Variants in TMEM132D observed in about 807,000 individuals in gnomAD.
TMEM132D encodes mature OL transmembrane protein.
Under a neutral mutation model 62.3 loss-of-function variants are expected in TMEM132D, and 21 were observed. The observed-to-expected ratio is 0.34, with a 90% confidence interval of 0.24 to 0.49. TMEM132D has a LOEUF of 0.49. Ranked by LOEUF, TMEM132D falls within the 20% of genes least tolerant of loss-of-function variation. The pLI, the probability that TMEM132D is intolerant of heterozygous loss-of-function variation, is 0.99. For synonymous variants in TMEM132D, 621 were observed against 575.6 expected (o/e 1.08, Z -1.13); for missense variants, 1,346 against 1,402.8 (o/e 0.96, Z 0.65).
chr12:129,691,804 A>C (rs905168338), intron 2 of TMEM132D, among the ~76,000 whole-genome samples: 1 of 152,124 alleles, frequency 6.6e-6, no homozygotes, highest in Non-Finnish European at 1.5e-5. Flanking sequence ...CGCTCAAAAA[A>C]TAATACTAAA....
At chr12:129,528,391 GT>G (rs1375316206) in intron 3 of TMEM132D, among the ~76,000 whole-genome samples, 8 of 146,336 alleles carry the variant, frequency 5.5e-5, no homozygotes, top group African/African-American at 1.8e-4. Flanking sequence ...CTCTATTTTA[GT>G]TGCAGATGTC....
At chr12:129,590,970 G>C (rs1469975255) in intron 2 of TMEM132D, among the ~76,000 whole-genome samples, 1 of 152,184 alleles carries the variant, frequency 6.6e-6, no homozygotes, top group African/African-American at 2.4e-5. Flanking sequence ...TTTATTCACA[G>C]TGGTCACGCT....
In TMEM132D at chr12:129,524,032, G is replaced by A. The variant is rs1875934430; in HGVS notation, c.1115+7027C>T. ...TTCTCAAACACTGGCTTTGAACAATGAGAACACATGGACACAGGAAGGGGA... is the reference window on the plus strand; with the variant it reads ...TTCTCAAACACTGGCTTTGAACAATAAGAACACATGGACACAGGAAGGGGA... On this transcript the variant is annotated intron_variant, in intron 3 of 8. Transcript: ENST00000422113. Among the ~76,000 whole-genome samples, 3 of 152,050 alleles carry A rather than the reference G, an allele frequency of 2.0e-5. No homozygotes were observed. The South Asian group carries it at 6.2e-4, about 32-fold the overall frequency.
chr12:129,372,275 G>C (rs1273620336), intron 3 of TMEM132D, among the ~76,000 whole-genome samples: 1 of 152,190 alleles, frequency 6.6e-6, no homozygotes, highest in Admixed American at 6.5e-5. Context: ...TATTGTTTTA[G>C]GCCAGGGGTC....
At chr12:129,332,176 C>T (rs1428565307) in intron 4 of TMEM132D, among the ~76,000 whole-genome samples, 1 of 152,100 alleles carries the variant, frequency 6.6e-6, no homozygotes, top group Non-Finnish European at 1.5e-5. Context: ...TGACCTTTTC[C>T]CTCAGAATTT....
intron 5 of TMEM132D, among the ~76,000 whole-genome samples, chr12:129,101,997 TTTC>T (rs1341857480): frequency 3.4e-4 from 48 of 141,188 alleles, no homozygotes; most frequent in African/African-American, 1.4e-3. Context: ...TTTTTTTTTT[TTTC>T]TCTCTCTCTC....
chr12:129,317,246 T>A (rs1399805078), intron 4 of TMEM132D, among the ~76,000 whole-genome samples: 1 of 152,230 alleles, frequency 6.6e-6, no homozygotes, highest in Non-Finnish European at 1.5e-5. Flanking sequence ...CCTGTGTGAT[T>A]TATGCTTTAA....
chr12:129,664,553 T>C (rs955486435), intron 2 of TMEM132D, among the ~76,000 whole-genome samples: 1 of 150,588 alleles, frequency 6.6e-6, no homozygotes, highest in Non-Finnish European at 1.5e-5. Flanking sequence ...GCCTCCCAAG[T>C]AGCTGGGACT....
At chr12:129,411,793 A>G (rs1192945080) in intron 3 of TMEM132D, among the ~76,000 whole-genome samples, 3 of 152,158 alleles carry the variant, frequency 2.0e-5, no homozygotes, top group South Asian at 2.1e-4. Flanking sequence ...TCTCGCTTTC[A>G]TCGGCAGTCC....
At chr12:129,710,660 G>T (rs1012874970) in intron 1 of TMEM132D, among the ~76,000 whole-genome samples, 2 of 152,114 alleles carry the variant, frequency 1.3e-5, no homozygotes, top group African/African-American at 4.8e-5. Flanking sequence ...CTATTTTATT[G>T]CAAACACTTA....
intron 2 of TMEM132D, among the ~76,000 whole-genome samples, chr12:129,686,223 C>T (rs896063501): frequency 7.2e-5 from 11 of 152,092 alleles, no homozygotes; most frequent in African/African-American, 2.7e-4. Flanking sequence ...TGTCCCCACC[C>T]AAATCTGATC....
intron 2 of TMEM132D, among the ~76,000 whole-genome samples, chr12:129,581,478 A>G (rs945471891): frequency 2.0e-5 from 3 of 152,226 alleles, no homozygotes; most frequent in African/African-American, 4.8e-5. Flanking sequence ...AAATTAGGGA[A>G]GCCGACAGTG....
chr12:129,455,089 T>TGAATAAC (rs1873425303), intron 3 of TMEM132D, among the ~76,000 whole-genome samples: 1 of 152,142 alleles, frequency 6.6e-6, no homozygotes, highest in South Asian at 2.1e-4. Context: ...CAATGAATAA[T>TGAATAAC]TCTGCTGCTG....
chr12:129,508,228 A>T (rs1875397170), intron 3 of TMEM132D, among the ~76,000 whole-genome samples: 1 of 152,204 alleles, frequency 6.6e-6, no homozygotes, highest in African/African-American at 2.4e-5. Context: ...ACTCTCTACA[A>T]GTTATACAAT....
At chr12:129,490,424 T>TTG in intron 3 of TMEM132D, among the ~76,000 whole-genome samples, 1 of 30,540 alleles carries the variant, frequency 3.3e-5, no homozygotes, top group African/African-American at 1.2e-4. Flanking sequence ...TTTCCTTTCC[T>TTG]TTTTTTTTTT....
intron 2 of TMEM132D, among the ~76,000 whole-genome samples, chr12:129,609,665 A>G (rs968823251): frequency 6.6e-6 from 1 of 152,146 alleles, no homozygotes; most frequent in Admixed American, 6.6e-5. Context: ...GCTCTGGTCC[A>G]GACACTGGAC....
chr12:129,477,914 C>T (rs938623449), intron 3 of TMEM132D, among the ~76,000 whole-genome samples: 4 of 151,882 alleles, frequency 2.6e-5, no homozygotes, highest in African/African-American at 7.3e-5. Flanking sequence ...TGTTTAATGA[C>T]GGGGACATGT....
intron 2 of TMEM132D, among the ~76,000 whole-genome samples, chr12:129,596,080 GATA>G (rs1434310124): frequency 6.6e-6 from 1 of 152,218 alleles, no homozygotes; most frequent in African/African-American, 2.4e-5. Flanking sequence ...TTAAATGTGT[GATA>G]ATGTGATAGA....
At chr12:129,643,393 G>A (rs1335236740) in intron 2 of TMEM132D, among the ~76,000 whole-genome samples, 1 of 152,084 alleles carries the variant, frequency 6.6e-6, no homozygotes, top group Admixed American at 6.6e-5. Context: ...AAGTTTTATT[G>A]GAACACAGCC....
Sources: allele counts gnomAD v4.1 joint callset (sites outside exome capture counted in the v4.1 genomes callset), GRCh38; gene constraint gnomAD v4.1.1; transcripts MANE v1.5; gene names NCBI Gene and HGNC (gene_info 2026-07-23, HGNC 2026-07-21).